The following UACA variants were observed in gnomAD, a reference collection of about 807,000 sequenced individuals.
UACA encodes uveal autoantigen with coiled-coil domains and ankyrin repeats.
A neutral mutation model predicts 160.5 loss-of-function variants in UACA; 112 were observed. The observed-to-expected ratio is 0.70, with a 90% CI of 0.60 to 0.82. The LOEUF (loss-of-function observed/expected upper bound fraction) is 0.82. Ranked by LOEUF, UACA falls within the 40% of genes least tolerant of loss-of-function variation. The probability of loss-of-function intolerance (pLI) is 0.00; values close to 1 mark genes in which losing one functional copy is unlikely to be tolerated. For synonymous variants in UACA, 557 were observed against 568.4 expected, an observed-to-expected ratio of 0.98 and a Z score of 0.29; for missense variants, 1,574 against 1,614.6, an observed-to-expected ratio of 0.97 and a Z score of 0.43.
intron 1 of UACA, among the ~76,000 whole-genome samples, chr15:70,742,224 C>T (rs1046658933): frequency 2.6e-5 from 4 of 152,218 alleles, no homozygotes; most frequent in African/African-American, 7.2e-5. Context: ...AATCCTTTCA[C>T]ATCTTCATTT....
At chr15:70,664,887 A>G (rs1246781564) in intron 16 of UACA, 73 bp from the exon 17 acceptor site, 20 of 1,377,914 alleles carry the variant, frequency 1.5e-5, no homozygotes, top group Non-Finnish European at 1.7e-5. Context: ...TACAGAAATC[A>G]TTCCTTTTTG....
intron 1 of UACA, among the ~76,000 whole-genome samples, chr15:70,712,818 C>T (rs949302751): frequency 2.0e-5 from 3 of 152,136 alleles, no homozygotes; most frequent in Non-Finnish European, 2.9e-5. Context: ...CTCTAATCAT[C>T]TGGAAAAAAA....
At chr15:70,768,621 C>T in the UACA span, among the ~76,000 whole-genome samples, 1 of 152,164 alleles carries the variant, frequency 6.6e-6, no homozygotes, top group Non-Finnish European at 1.5e-5. Context: ...AAACAGGCTA[C>T]TCAGCCTGGA....
intron 17 of UACA, 196 bp from the exon 18 acceptor site, chr15:70,660,412 G>A (rs1896666059): frequency 7.6e-6 from 4 of 523,656 alleles, no homozygotes; most frequent in Non-Finnish European, 1.0e-5. Flanking sequence ...AAGAATGTGT[G>A]GCTAATGACA....
the UACA span, among the ~76,000 whole-genome samples, chr15:70,771,371 T>C: frequency 6.6e-6 from 1 of 152,258 alleles, no homozygotes; most frequent in East Asian, 1.9e-4. Context: ...GCACTGAATA[T>C]TCTCAACAGA....
chr15:70,687,850 G>C, intron 5 of UACA, 30 bp from the exon 6 acceptor site: 2 of 1,602,226 alleles, frequency 1.2e-6, no homozygotes, highest in Non-Finnish European at 1.7e-6. Context: ...ATGATAAATG[G>C]TGAACATCTG....
intron 1 of UACA, among the ~76,000 whole-genome samples, chr15:70,727,373 A>C (rs1261844157): frequency 6.6e-6 from 1 of 152,198 alleles, no homozygotes; most frequent in East Asian, 1.9e-4. Flanking sequence ...CATTTTATTA[A>C]ATTAAAAATT....
rs1181905465 is a variant in UACA, at chr15:70,668,726, A to C, written c.1958T>G (p.Met653Arg). 6.2e-7 allele frequency: 1 copy of C among 1,613,374 alleles called. No homozygotes were observed. Among genetic ancestry groups the C allele is most frequent in the Admixed American group, 1.7e-5 (1 of 59,876 alleles). The change falls in exon 16 of 19, where the codon ATG becomes AGG. Residue 653 changes from methionine (M) to arginine (R), a missense_variant. Physicochemically the swap from Met to Arg is moderately conservative, Grantham distance 91. Coordinates refer to ENST00000322954, the MANE Select transcript of UACA (RefSeq NM_018003.4). The stretch of plus-strand genomic sequence containing the variant: ...AAGTGATTTTTCATGTTCTCTTTCC[A>C]TTTCTACTAATTTTTTTGCTTTCTC... Reference protein sequence around the residue: ...VNEKAKKLVEMEREHEKSLSE... With the variant: ...VNEKAKKLVEREREHEKSLSE...
intron 1 of UACA, among the ~76,000 whole-genome samples, chr15:70,704,555 T>C (rs1216455577): frequency 6.6e-6 from 1 of 152,222 alleles, no homozygotes; most frequent in Non-Finnish European, 1.5e-5. Context: ...AAAGTCTACC[T>C]GCTGTATGTA....
In UACA at chr15:70,668,532, C is replaced by T; in HGVS notation, c.2152G>A (p.Glu718Lys). The change falls in exon 16 of 19, where the codon GAA (glutamate) becomes AAA (lysine). Residue 718 changes from glutamate to lysine, a missense_variant. Glu to Lys is a moderately conservative substitution (Grantham distance 56). Coordinates refer to ENST00000322954, the MANE Select transcript of UACA (RefSeq NM_018003.4). ...LTLKNQTLQKEIEKVYLDNKL... is the reference protein window; with the variant it reads ...LTLKNQTLQKKIEKVYLDNKL... ...TTATCCAAATAAACTTTTTCAATTTCCTTTTGTAGTGTCTGATTTTTCAAT... is the reference window on the plus strand; with the variant it reads ...TTATCCAAATAAACTTTTTCAATTTTCTTTTGTAGTGTCTGATTTTTCAAT... The T allele has an allele frequency of 1.9e-6, 3 of 1,610,502 alleles. No individual in the cohort carries two copies. The highest frequency in any genetic ancestry group is 4.5e-5 in the East Asian group (2 of 44,850).
chr15:70,696,479 G>A (rs541495954), intron 2 of UACA, among the ~76,000 whole-genome samples: 1 of 152,164 alleles, frequency 6.6e-6, no homozygotes, highest in Non-Finnish European at 1.5e-5. Context: ...TTCGTTTCCA[G>A]ATATTACAAG....
intron 1 of UACA, among the ~76,000 whole-genome samples, chr15:70,740,934 G>A (rs1235487714): frequency 5.9e-5 from 9 of 151,986 alleles, no homozygotes; most frequent in Non-Finnish European, 4.4e-5. Context: ...AGCTACTCAG[G>A]AGGCTGAGGC....
intron 7 of UACA, among the ~76,000 whole-genome samples, chr15:70,684,653 T>C (rs1280495723): frequency 6.6e-6 from 1 of 151,878 alleles, no homozygotes; most frequent in Non-Finnish European, 1.5e-5. Context: ...TGTTTATCAG[T>C]AAGGAATGTT....
chr15:70,690,565 A>G (rs1276094985), intron 4 of UACA, 54 bp from the exon 5 acceptor site: 7 of 1,390,178 alleles, frequency 5.0e-6, no homozygotes, highest in Middle Eastern at 1.8e-4. Context: ...TTAAAATTAG[A>G]TATCCAGACT....
At position 70,677,099 on chromosome 15, in the gene UACA, T is replaced by C. The variant is rs376494193; in HGVS notation, c.1032+9A>G. 1 of 1,599,320 alleles carries C rather than the reference T, an allele frequency of 6.3e-7. No homozygotes were observed. The highest frequency in any genetic ancestry group is 8.5e-7 in the Non-Finnish European group (1 of 1,172,116). On this transcript the variant is annotated intron_variant, in intron 12 of 18. Transcript: ENST00000322954. The stretch of plus-strand genomic sequence containing the variant: ...AATTTTAATGGTTTAAAATAAAATG[T>C]CACCCTACCTCGCTTTCCAGATCAT...
Position 70,693,610 on chromosome 15 carries a change from C to T in UACA, c.301+1407G>A, listed in dbSNP as rs189838308. Among the ~76,000 whole-genome samples the T allele has an allele frequency of 2.8e-3, 422 of 151,826 alleles. 3 individuals carry two copies. Among genetic ancestry groups the T allele is most frequent in the Non-Finnish European group, 4.9e-3 (331 of 67,916 alleles). On this transcript the variant is annotated intron_variant, in intron 3 of 18. Coordinates refer to ENST00000322954, the MANE Select transcript of UACA (RefSeq NM_018003.4). ...AAACAAAAGACAGAAGAGTTAAACA[C>T]GGTATGTTGGGGTGCAATATATGAA...
intron 13 of UACA, among the ~76,000 whole-genome samples, chr15:70,674,839 C>G (rs1472880078): frequency 6.6e-6 from 1 of 152,206 alleles, no homozygotes; most frequent in African/African-American, 2.4e-5. Context: ...CTTAAGTGAT[C>G]CACCCACCTT....
chr15:70,687,116 C>G (rs2140942907), intron 7 of UACA, among the ~76,000 whole-genome samples: 1 of 152,260 alleles, frequency 6.6e-6, no homozygotes, highest in Non-Finnish European at 1.5e-5. Context: ...ATGTCAAGTT[C>G]CAGAACACTC....
chr15:70,710,894 C>G (rs1898664561), intron 1 of UACA, among the ~76,000 whole-genome samples: 1 of 152,186 alleles, frequency 6.6e-6, no homozygotes, highest in African/African-American at 2.4e-5. Context: ...ATAGGCATGA[C>G]TTTTTACATC....
Sources: gnomAD v4.1 joint callset for allele counts (sites outside exome capture counted in the v4.1 genomes callset) on GRCh38, gnomAD v4.1.1 for gene constraint, MANE v1.5 for transcripts, NCBI Gene and HGNC (gene_info 2026-07-23, HGNC 2026-07-21) for gene names.